Variants in CEP112 observed in about 807,000 individuals in gnomAD.
CEP112 encodes centrosomal protein of 112 kDa.
CEP112 carries 127 observed loss-of-function variants against 153.0 expected under a neutral mutation model. That is an observed-to-expected ratio of 0.83 (90% CI 0.72 to 0.96). CEP112 has a LOEUF of 0.96. CEP112 is among the 40% of genes least tolerant of loss of function. The pLI, the probability that CEP112 is intolerant of heterozygous loss-of-function variation, is 0.00. For synonymous variants in CEP112, 358 were observed against 374.4 expected (o/e 0.96, Z 0.51); for missense variants, 1,089 against 1,101.2 (o/e 0.99, Z 0.16).
intron 21 of CEP112, among the ~76,000 whole-genome samples, chr17:65,835,090 G>A (rs2057248343): frequency 6.6e-6 from 1 of 150,712 alleles, no homozygotes; most frequent in Non-Finnish European, 1.5e-5. Flanking sequence ...ACTAACACAG[G>A]AACAGAAAAC....
At chr17:65,905,779 C>G (rs2060051523) in intron 19 of CEP112, among the ~76,000 whole-genome samples, 1 of 151,738 alleles carries the variant, frequency 6.6e-6, no homozygotes. Flanking sequence ...AATAAAAAAA[C>G]AAAAACAAAA....
intron 24 of CEP112, among the ~76,000 whole-genome samples, chr17:65,657,221 A>C (rs1311084853): frequency 6.6e-6 from 1 of 152,176 alleles, no homozygotes; most frequent in African/African-American, 2.4e-5. Context: ...TCTAAAACCA[A>C]ATGCCAGCTC....
intron 17 of CEP112, among the ~76,000 whole-genome samples, chr17:65,965,490 C>T (rs2062375309): frequency 1.3e-5 from 2 of 151,284 alleles, no homozygotes; most frequent in African/African-American, 4.9e-5. Context: ...ACATTGAGCT[C>T]CACTAATATT....
chr17:66,064,394 C>G (rs11079640), intron 10 of CEP112, among the ~76,000 whole-genome samples: 144,058 of 152,306 alleles, frequency 0.95, 68,222 homozygotes, highest in East Asian at 0.98. Flanking sequence ...TCTCTATCTT[C>G]TTTACTAAAA....
chr17:65,840,432 G>A (rs2057473825), intron 21 of CEP112, among the ~76,000 whole-genome samples: 1 of 151,980 alleles, frequency 6.6e-6, no homozygotes, highest in African/African-American at 2.4e-5. Context: ...AAACAGTACT[G>A]GCAAAACTGG....
At chr17:65,801,006 T>C (rs2055237253) in intron 21 of CEP112, among the ~76,000 whole-genome samples, 1 of 152,196 alleles carries the variant, frequency 6.6e-6, no homozygotes, top group Admixed American at 6.5e-5. Context: ...ATATAGTCTA[T>C]TAGGTTTTTA....
intron 17 of CEP112, among the ~76,000 whole-genome samples, chr17:65,985,792 C>T (rs56281632): frequency 0.065 from 9,809 of 151,656 alleles, 453 homozygotes; most frequent in South Asian, 0.12. Context: ...TGCCTCACTC[C>T]ATCCTCTTGA....
intron 23 of CEP112, among the ~76,000 whole-genome samples, chr17:65,731,093 T>C (rs1278882975): frequency 6.6e-6 from 1 of 152,126 alleles, no homozygotes; most frequent in Non-Finnish European, 1.5e-5. Context: ...CCAAATGAAC[T>C]TCTGTGAGCT....
chr17:66,055,650 T>C (rs1173644693), intron 11 of CEP112, among the ~76,000 whole-genome samples: 2 of 152,196 alleles, frequency 1.3e-5, no homozygotes. Context: ...AAAAATCTAA[T>C]AGCCCATCAA....
chr17:65,925,132 G>A (rs80314787), intron 19 of CEP112, among the ~76,000 whole-genome samples: 3,588 of 152,208 alleles, frequency 0.024, 136 homozygotes, highest in African/African-American at 0.071. Flanking sequence ...AATCATGGGG[G>A]CAGCTTCCCC....
At position 66,191,166 on chromosome 17, in the gene CEP112, T is replaced by C. The variant is rs566800028; in HGVS notation, c.-9+831A>G. Among the ~76,000 whole-genome samples the C allele has an allele frequency of 6.6e-6, 1 of 152,286 alleles. No individual in the cohort carries two copies. The highest frequency in any genetic ancestry group is 2.1e-4 in the South Asian group (1 of 4,824). ...TCATTTCACAGAGGAAGAAGGAAGC[T>C]GAGGCTTAAGTGAGGTGAAGTCACT... On this transcript the variant is annotated intron_variant, in intron 1 of 26. Transcript: ENST00000535342. The surrounding 1 kb of genome is among the most constrained non-coding windows in gnomAD (Gnocchi z 4.2).
chr17:66,005,054 T>C (rs750911462), intron 17 of CEP112, among the ~76,000 whole-genome samples: 11 of 152,206 alleles, frequency 7.2e-5, no homozygotes, highest in South Asian at 2.1e-4. Context: ...TGACACATGA[T>C]GGGAACTCAA....
intron 19 of CEP112, among the ~76,000 whole-genome samples, chr17:65,916,927 A>G (rs1223491799): frequency 6.7e-6 from 1 of 149,564 alleles, no homozygotes; most frequent in Non-Finnish European, 1.5e-5. Context: ...AGGCCAAAAG[A>G]AAAAAAAAGA....
At chr17:66,135,337 A>G (rs1466696455) in intron 4 of CEP112, among the ~76,000 whole-genome samples, 4 of 152,182 alleles carry the variant, frequency 2.6e-5, no homozygotes, top group Non-Finnish European at 5.9e-5. Context: ...GCTGGAAACA[A>G]CTTAAACTCT....
At chr17:65,635,999 G>T (rs756550480) in intron 26 of CEP112, 25 bp from the exon 27 acceptor site, 1 of 1,594,406 alleles carries the variant, frequency 6.3e-7, no homozygotes, top group East Asian at 2.2e-5. Flanking sequence ...TCGCAGTCAC[G>T]ACTTTCTCTA....
At chr17:66,131,618 G>A (rs2070170117) in intron 5 of CEP112, among the ~76,000 whole-genome samples, 1 of 152,304 alleles carries the variant, frequency 6.6e-6, no homozygotes, top group East Asian at 1.9e-4. Flanking sequence ...GCAGGCGCCT[G>A]TAGTCCCAGC....
intron 4 of CEP112, among the ~76,000 whole-genome samples, chr17:66,153,805 A>C (rs1203581644): frequency 1.3e-5 from 2 of 152,104 alleles, no homozygotes; most frequent in African/African-American, 4.8e-5. Flanking sequence ...ATAGATAAAC[A>C]GGCCAATGAA....
intron 20 of CEP112, among the ~76,000 whole-genome samples, chr17:65,866,251 G>A (rs2058481915): frequency 6.6e-6 from 1 of 152,352 alleles, no homozygotes; most frequent in Non-Finnish European, 1.5e-5. Flanking sequence ...CCCAGGTGCT[G>A]TTGCAGCCTG....
At chr17:65,755,887 T>C (rs569630691) in intron 21 of CEP112, among the ~76,000 whole-genome samples, 12 of 152,298 alleles carry the variant, frequency 7.9e-5, no homozygotes, top group African/African-American at 2.9e-4. Flanking sequence ...CTTGAGTTTA[T>C]GGTTTAAGGT....
Sources: gnomAD v4.1 joint callset for allele counts (sites outside exome capture counted in the v4.1 genomes callset) on GRCh38, gnomAD v4.1.1 for gene constraint, Gnocchi (gnomAD v3.1) non-coding constraint, MANE v1.5 for transcripts, NCBI Gene and HGNC (gene_info 2026-07-23, HGNC 2026-07-21) for gene names.